COL1A1: variants seen among roughly 807,000 people sequenced by gnomAD.
COL1A1 encodes collagen type I alpha 1 chain.
In COL1A1, 21 loss-of-function variants were observed where a neutral mutation model predicts 195.7. That is an observed-to-expected ratio of 0.11 (90% CI 0.08 to 0.15). COL1A1 has a LOEUF of 0.15. Among genes scored for constraint, COL1A1 ranks in the 10% least tolerant of loss-of-function variants. The probability of loss-of-function intolerance (pLI) is 1.00; values close to 1 mark genes in which losing one functional copy is unlikely to be tolerated. For synonymous variants in COL1A1, 749 were observed against 747.3 expected (o/e 1.00, Z -0.04); for missense variants, 1,365 against 2,051.0 (o/e 0.67, Z 6.46).
chr17:50,185,680 A>T (rs768460126), intron 50 of COL1A1, 32 bp from the exon 51 acceptor site: 1 of 1,612,608 alleles, frequency 6.2e-7, no homozygotes, highest in Non-Finnish European at 8.5e-7. Context: ...GGGAGGGGGC[A>T]TTACCACGTG....
chr17:50,200,787 TG>T (rs1908014608), intron 1 of COL1A1, among the ~76,000 whole-genome samples: 1 of 152,002 alleles, frequency 6.6e-6, no homozygotes. Context: ...GATCTAGAGG[TG>T]GGGGTCCGCA....
rs1906367290 is a variant in COL1A1 at position 50,185,158 on chromosome 17, G to T, written c.*344C>A. The stretch of plus-strand genomic sequence containing the variant: ...AGAAAGGAGCAGAAAGGGCAGCATT[G>T]GGGTTTCATAAGCCCAACGGGCAGA... On this transcript the variant is annotated 3_prime_UTR_variant, in exon 51 of 51. Transcript: ENST00000225964. 5.9e-6 allele frequency: 2 copies of T among 341,458 alleles called. No homozygotes were observed. The highest frequency in any genetic ancestry group is 1.1e-5 in the Non-Finnish European group (2 of 185,008). 21.2% of individuals were successfully genotyped at this position (341,458 alleles called of 1,614,324 possible).
rs1172886350 is a variant in COL1A1 at position 50,186,607 on chromosome 17, A to T, written c.3814+33T>A. 1 of 1,613,218 alleles carries T rather than the reference A, an allele frequency of 6.2e-7. No individual in the cohort carries two copies. Among genetic ancestry groups the T allele is most frequent in the South Asian group, 1.1e-5 (1 of 91,062 alleles). On this transcript the variant is annotated intron_variant, in intron 48 of 50. Coordinates refer to ENST00000225964, the MANE Select transcript of COL1A1 (RefSeq NM_000088.4). This position sits in a 1 kb window ranked among gnomAD's most constrained non-coding sequence, Gnocchi z 5.3. ...ATGGGGACCCTGGCATGGCAGGAGTAGGAGGGAGGGAGAGGCTAGGGCAGG... is the reference window on the plus strand; with the variant it reads ...ATGGGGACCCTGGCATGGCAGGAGTTGGAGGGAGGGAGAGGCTAGGGCAGG...
rs896194606 is a variant in COL1A1 at position 50,199,602 on chromosome 17, A to G, written c.299-12T>C. The G allele has an allele frequency of 3.7e-6, 6 of 1,613,964 alleles. No homozygotes were observed. In the African/African-American group the frequency reaches 8.0e-5, roughly 22 times the overall value. Reference sequence around the variant, plus strand: ...GTCGGTGGGTGACTCTAGGGGACGAAGAGACGCGCGTTAGAGCCAAGGTTT... The same window carrying G: ...GTCGGTGGGTGACTCTAGGGGACGAGGAGACGCGCGTTAGAGCCAAGGTTT... On this transcript the variant is annotated splice_polypyrimidine_tract_variant and intron_variant, in intron 2 of 50. Transcript: ENST00000225964.
rs768022207 is a variant in COL1A1, at chr17:50,194,552, C to T, written c.1515+21G>A. On this transcript the variant is annotated intron_variant, in intron 22 of 50. Coordinates refer to ENST00000225964, the MANE Select transcript of COL1A1 (RefSeq NM_000088.4). The surrounding 1 kb of genome is among the most constrained non-coding windows in gnomAD (Gnocchi z 6.8). ...CCCAGGGAGCGGCAGGGTCAGCCCC[C>T]CGGCCGCAAGGAGAGGTTACCTTGG... The T allele has an allele frequency of 5.6e-6, 9 of 1,601,492 alleles. No individual in the cohort carries two copies. In the African/African-American group the frequency reaches 1.2e-4, roughly 21 times the overall value.
intron 29 of COL1A1, 196 bp downstream of exon 29, chr17:50,192,279 C>G: frequency 1.3e-6 from 1 of 747,550 alleles, no homozygotes. Context: ...TCCAGCAGCT[C>G]TTAAAAGAAG....
At chr17:50,201,185 A>ACGC (rs1422039823) in intron 1 of COL1A1, among the ~76,000 whole-genome samples, 1 of 151,720 alleles carries the variant, frequency 6.6e-6, no homozygotes, top group African/African-American at 2.4e-5. Flanking sequence ...GCACCAACTC[A>ACGC]CGCCGCGCTC....
rs1476212814 is a variant in COL1A1 at position 50,194,118 on chromosome 17, A to T, written c.1668+12T>A. On this transcript the variant is annotated intron_variant, in intron 24 of 50. Transcript: ENST00000225964. This position sits in a 1 kb window ranked among gnomAD's most constrained non-coding sequence, Gnocchi z 6.8. ...GGACAATGGCAGGGGGTTCAGGGGG[A>T]GTGATACTTACAGGGGGGCCAGTTT... 6.2e-7 allele frequency: 1 copy of T among 1,611,096 alleles called. No individual in the cohort carries two copies. Among genetic ancestry groups the T allele is most frequent in the Non-Finnish European group, 8.5e-7 (1 of 1,178,790 alleles).
chr17:50,197,619 A>T (rs1399201173), intron 9 of COL1A1, 113 bp downstream of exon 9: 3 of 855,584 alleles, frequency 3.5e-6, no homozygotes, highest in Non-Finnish European at 5.6e-6. Flanking sequence ...ATCAGAGAGG[A>T]CTTGCCCTCC....
rs746939680 is a variant in COL1A1, at chr17:50,188,613, C to T, written c.3124G>A (p.Ala1042Thr). 4.9e-5 allele frequency: 79 copies of T among 1,613,736 alleles called. 1 individual carries two copies. In the South Asian group the frequency reaches 6.0e-4, roughly 12 times the overall value. ...AKGDRGETGP[A>T]GPPGAPGAPG... The stretch of plus-strand genomic sequence containing the variant: ...GCACCAGGAGCACCAGGGGGTCCAG[C>T]GGGGCCGGTCTCACCACGGTCACCC... Residue 1042 changes from alanine to threonine, a missense_variant, in exon 43 of 51, where the codon GCT becomes ACT. Ala to Thr is a moderately conservative substitution (Grantham distance 58). This residue lies in a region of COL1A1 where 671 missense variants were observed against 1,099.9 expected (regional missense o/e 0.61). Transcript: ENST00000225964. The surrounding 1 kb of genome is among the most constrained non-coding windows in gnomAD (Gnocchi z 5.6).
At position 50,190,097 on chromosome 17, in the gene COL1A1, G is replaced by A; in HGVS notation, c.2463C>T (p.Gly821=). Residue 821 remains glycine (G), a synonymous_variant, in exon 36 of 51, where the codon GGC becomes GGT. Transcript: ENST00000225964. This position sits in a 1 kb window ranked among gnomAD's most constrained non-coding sequence, Gnocchi z 4.7. The part of the protein sequence containing the change: ...AGFAGPPGAD[G]QPGAKGEPGD... ...CAGGTTCGCCTTTAGCACCAGGTTG[G>A]CCGTCAGCACCCTGGGGGAGGAAGC... The A allele has an allele frequency of 6.2e-7, 1 of 1,613,520 alleles. No homozygotes were observed. The highest frequency in any genetic ancestry group is 8.5e-7 in the Non-Finnish European group (1 of 1,179,880).
chr17:50,190,314 T>C lies in COL1A1; in HGVS notation c.2451+13A>G, dbSNP rs1906965757. Reference sequence around the variant, plus strand: ...AGTCGGTGATGAAAAATGATGGGGGTCTTGGTACTCACAGGGGGGCCAGCA... The same window carrying C: ...AGTCGGTGATGAAAAATGATGGGGGCCTTGGTACTCACAGGGGGGCCAGCA... On this transcript the variant is annotated intron_variant, in intron 35 of 50. Coordinates refer to ENST00000225964, the MANE Select transcript of COL1A1 (RefSeq NM_000088.4). This position sits in a 1 kb window ranked among gnomAD's most constrained non-coding sequence, Gnocchi z 4.7. The C allele has an allele frequency of 6.5e-7, 1 of 1,543,476 alleles. No individual in the cohort carries two copies. Among genetic ancestry groups the C allele is most frequent in the African/African-American group, 1.4e-5 (1 of 71,878 alleles).
chr17:50,196,417 C>G lies in COL1A1; in HGVS notation c.904-50G>C, dbSNP rs760562367. The G allele has an allele frequency of 1.4e-5, 22 of 1,613,578 alleles. 1 individual carries two copies. In the South Asian group the frequency reaches 2.2e-4, roughly 16 times the overall value. On this transcript the variant is annotated intron_variant, in intron 13 of 50. Transcript: ENST00000225964. Reference sequence around the variant, plus strand: ...AGATGAGATGGGAGACAGCCTTGTTCCCCCAGGCCTCCATCTTGCCCCTGC... The same window carrying G: ...AGATGAGATGGGAGACAGCCTTGTTGCCCCAGGCCTCCATCTTGCCCCTGC...
chr17:50,191,069 A>G (rs916621936), intron 32 of COL1A1, 145 bp from the exon 33 acceptor site: 24 of 832,192 alleles, frequency 2.9e-5, no homozygotes, highest in Middle Eastern at 2.2e-4. Context: ...TTCTTTCAGG[A>G]AAAAGGGTGC....
intron 45 of COL1A1, 114 bp from the exon 46 acceptor site, chr17:50,187,651 G>A: frequency 1.7e-6 from 2 of 1,208,670 alleles, no homozygotes; most frequent in Non-Finnish European, 2.4e-6. Context: ...CATTATTCTG[G>A]AAATCTAGCC....
chr17:50,196,077 C>T (rs1907556897), intron 15 of COL1A1, 78 bp downstream of exon 15: 1 of 1,606,032 alleles, frequency 6.2e-7, no homozygotes, highest in Non-Finnish European at 8.5e-7. Context: ...ACATAACCTG[C>T]TCCCATTGTC....
chr17:50,191,421 G>A lies in COL1A1; in HGVS notation c.2197C>T (p.Arg733Cys), dbSNP rs1567757112. The A allele has an allele frequency of 1.2e-6, 2 of 1,613,994 alleles. No individual in the cohort carries two copies. The highest frequency in any genetic ancestry group is 1.7e-6 in the Non-Finnish European group (2 of 1,179,936). Reference sequence around the variant, plus strand: ...GGCCCTGGAAGACCAGCTGCACCACGTTCACCAGGCATTCCCTGAAGGCCA... The same window carrying A: ...GGCCCTGGAAGACCAGCTGCACCACATTCACCAGGCATTCCCTGAAGGCCA... The part of the protein sequence containing the change: ...APGLQGMPGE[R>C]GAAGLPGPKG... The change falls in exon 32 of 51, where the codon CGT (arginine) becomes TGT (cysteine). Residue 733 changes from arginine (R) to cysteine (C), a missense_variant. Coordinates refer to ENST00000225964, the MANE Select transcript of COL1A1 (RefSeq NM_000088.4).
intron 1 of COL1A1, 57 bp from the exon 2 acceptor site, chr17:50,200,004 A>T: frequency 6.4e-7 from 1 of 1,568,950 alleles, no homozygotes; most frequent in African/African-American, 1.4e-5. Flanking sequence ...CAGCTTAACC[A>T]CCTTTCCCCC....
At position 50,198,454 on chromosome 17, in the gene COL1A1, T is replaced by G. The variant is rs770454346; in HGVS notation, c.522A>C (p.Gly174=). The G allele has an allele frequency of 9.3e-6, 15 of 1,613,400 alleles. No homozygotes were observed. The highest frequency in any genetic ancestry group is 1.3e-5 in the Non-Finnish European group (15 of 1,179,778). ...TCACCATGGGGCCAGGCACGGAAAT[T>G]CCTCCGGTTGATTTCTCATCATAGC... is the stretch of plus-strand genomic sequence containing the variant. The part of the protein sequence containing the change: ...SYGYDEKSTG[G]ISVPGPMGPS... The change falls in exon 6 of 51, where the codon GGA becomes GGC. Residue 174 remains glycine, a synonymous_variant. Transcript: ENST00000225964.
Sources: allele counts gnomAD v4.1 joint callset (sites outside exome capture counted in the v4.1 genomes callset), GRCh38; gene constraint gnomAD v4.1.1; regional missense constraint gnomAD v4.1.1; non-coding constraint Gnocchi (gnomAD v3.1); transcripts MANE v1.5; gene names NCBI Gene and HGNC (gene_info 2026-07-23, HGNC 2026-07-21).